Variants in CDK14 observed in about 807,000 individuals in gnomAD.
CDK14 encodes the protein cyclin-dependent kinase 14.
In CDK14, 34 loss-of-function variants were observed where a neutral mutation model predicts 60.7. That is an observed-to-expected ratio of 0.56 (90% CI 0.43 to 0.75). CDK14 has a LOEUF of 0.75. Among genes scored for constraint, CDK14 ranks in the 30% least tolerant of loss-of-function variants. The pLI is 0.00. For synonymous variants in CDK14, 197 were observed against 203.7 expected (o/e 0.97, Z 0.28); for missense variants, 482 against 564.1 (o/e 0.85, Z 1.47).
In CDK14 at chr7:90,686,899, A is replaced by C. The variant is rs942863208; in HGVS notation, c.124-39668A>C. ...GAATTTTAAGTGAGTAATGTGGTTC[A>C]ATTATATTGTATGAGCAAGAGAAGA... is the stretch of plus-strand genomic sequence containing the variant. On this transcript the variant is annotated intron_variant, in intron 2 of 14. Transcript: ENST00000380050. 7.2e-5 allele frequency among the ~76,000 whole-genome samples: 11 copies of C among 152,166 alleles called. No individual in the cohort carries two copies. In the South Asian group the frequency reaches 1.7e-3, roughly 23 times the overall value.
At chr7:90,807,134 C>T (rs940667209) in intron 5 of CDK14, among the ~76,000 whole-genome samples, 6 of 152,082 alleles carry the variant, frequency 3.9e-5, no homozygotes, top group Admixed American at 2.0e-4. Context: ...TCTCCCAGCA[C>T]GCAGCTGGAG....
chr7:90,597,677 G>T (rs1799223104), intron 1 of CDK14, among the ~76,000 whole-genome samples: 1 of 152,162 alleles, frequency 6.6e-6, no homozygotes, highest in Non-Finnish European at 1.5e-5. Flanking sequence ...CCATGTTAAC[G>T]AAAGTGTTAA....
chr7:91,076,855 C>T (rs1439478637), intron 11 of CDK14, among the ~76,000 whole-genome samples: 1 of 152,126 alleles, frequency 6.6e-6, no homozygotes, highest in African/African-American at 2.4e-5. Context: ...ACAGAAATTT[C>T]TCAAAAGAAG....
chr7:90,610,797 A>G (rs528644624), intron 2 of CDK14, among the ~76,000 whole-genome samples: 1 of 152,322 alleles, frequency 6.6e-6, no homozygotes, highest in African/African-American at 2.4e-5. Context: ...CTACTTCAGT[A>G]TGACCTCTTA....
chr7:90,630,583 C>T lies in CDK14; in HGVS notation c.123+26334C>T, dbSNP rs562238414. 8.5e-5 allele frequency among the ~76,000 whole-genome samples: 13 copies of T among 152,242 alleles called. No homozygotes were observed. In the South Asian group the frequency reaches 2.3e-3, roughly 27 times the overall value. On this transcript the variant is annotated intron_variant, in intron 2 of 14. Transcript: ENST00000380050. ...ACTTATTAGCAACATTACAAAGTAACGTCTACCATTCTGGCAAATCCCATC... is the reference window on the plus strand; with the variant it reads ...ACTTATTAGCAACATTACAAAGTAATGTCTACCATTCTGGCAAATCCCATC...
intron 8 of CDK14, among the ~76,000 whole-genome samples, chr7:90,942,057 C>G (rs1436555781): frequency 6.6e-6 from 1 of 152,158 alleles, no homozygotes; most frequent in Non-Finnish European, 1.5e-5. Flanking sequence ...ATGGGCAGGG[C>G]AGAGCAGAGG....
intron 2 of CDK14, among the ~76,000 whole-genome samples, chr7:90,718,234 A>G (rs1802321824): frequency 6.6e-6 from 1 of 152,064 alleles, no homozygotes; most frequent in Non-Finnish European, 1.5e-5. Flanking sequence ...CAGTGCCAGG[A>G]TGTCAGAGTT....
chr7:90,889,023 A>G (rs567655950), intron 6 of CDK14, among the ~76,000 whole-genome samples: 66 of 152,374 alleles, frequency 4.3e-4, no homozygotes, highest in African/African-American at 1.6e-3. Flanking sequence ...ATATGGTTCT[A>G]CAGAATGGTT....
At chr7:90,661,635 C>T (rs1800867682) in intron 2 of CDK14, among the ~76,000 whole-genome samples, 2 of 152,178 alleles carry the variant, frequency 1.3e-5, no homozygotes, top group Non-Finnish European at 1.5e-5. Context: ...TGCCTTGTCA[C>T]TGTAGGTCAT....
At chr7:90,849,759 A>G (rs955137934) in intron 5 of CDK14, among the ~76,000 whole-genome samples, 23 of 152,054 alleles carry the variant, frequency 1.5e-4, no homozygotes, top group African/African-American at 5.6e-4. Flanking sequence ...ACAAAGATTA[A>G]AAAATACTGC....
At chr7:91,102,024 CAG>C (rs1799158839) in intron 12 of CDK14, among the ~76,000 whole-genome samples, 1 of 152,162 alleles carries the variant, frequency 6.6e-6, no homozygotes, top group South Asian at 2.1e-4. Context: ...TTAAGGAAAA[CAG>C]ACAGACTTGT....
intron 3 of CDK14, among the ~76,000 whole-genome samples, chr7:90,727,422 A>G (rs180825200): frequency 5.3e-5 from 8 of 152,180 alleles, no homozygotes; most frequent in Non-Finnish European, 1.2e-4. Flanking sequence ...CAGACTTTAG[A>G]TATAACTAGT....
intron 2 of CDK14, among the ~76,000 whole-genome samples, chr7:90,674,213 A>C (rs1801153651): frequency 6.6e-6 from 1 of 152,250 alleles, no homozygotes; most frequent in Non-Finnish European, 1.5e-5. Context: ...GCGAGAAAAA[A>C]AATGCAGCCT....
chr7:90,757,256 G>GTGTGTGTGTGTGTGTC (rs1554330398), intron 4 of CDK14, among the ~76,000 whole-genome samples: 3 of 147,412 alleles, frequency 2.0e-5, no homozygotes, highest in Non-Finnish European at 4.5e-5. Flanking sequence ...GTGTGTCTGT[G>GTGTGTGTGTGTGTGTC]TGTGTCTGTG....
intron 5 of CDK14, among the ~76,000 whole-genome samples, chr7:90,802,943 T>C (rs1172861576): frequency 6.6e-6 from 1 of 152,148 alleles, no homozygotes; most frequent in African/African-American, 2.4e-5. Flanking sequence ...TTTCTGCTTG[T>C]GTGTTTGGTC....
At chr7:91,068,207 C>G (rs1483393840) in intron 11 of CDK14, among the ~76,000 whole-genome samples, 3 of 152,198 alleles carry the variant, frequency 2.0e-5, no homozygotes, top group Non-Finnish European at 4.4e-5. Context: ...AGAGAATAAA[C>G]TCAGAAATTA....
At chr7:90,685,405 T>TTA (rs1478361716) in intron 2 of CDK14, among the ~76,000 whole-genome samples, 2 of 152,192 alleles carry the variant, frequency 1.3e-5, no homozygotes, top group Non-Finnish European at 2.9e-5. Flanking sequence ...CCAGTAAACA[T>TTA]TAGAATTACT....
intron 10 of CDK14, among the ~76,000 whole-genome samples, chr7:91,008,157 A>AAAAAAG: frequency 6.6e-6 from 1 of 151,046 alleles, no homozygotes; most frequent in African/African-American, 2.4e-5. Flanking sequence ...AAACAAAAAA[A>AAAAAAG]AACAGTGGAT....
At chr7:90,876,089 G>T (rs1169395090) in intron 6 of CDK14, among the ~76,000 whole-genome samples, 1 of 152,078 alleles carries the variant, frequency 6.6e-6, no homozygotes, top group Non-Finnish European at 1.5e-5. Flanking sequence ...CCAGATAGCT[G>T]GTACAGAAGC....
Sources: allele counts gnomAD v4.1 joint callset (sites outside exome capture counted in the v4.1 genomes callset), GRCh38; gene constraint gnomAD v4.1.1; transcripts MANE v1.5; gene names NCBI Gene and HGNC (gene_info 2026-07-23, HGNC 2026-07-21).